ESYT2: variants seen among roughly 807,000 people sequenced by gnomAD.
ESYT2 encodes extended synaptotagmin 2, also known as extended synaptotagmin-2.
In ESYT2, 54 loss-of-function variants were observed where a neutral mutation model predicts 107.2. The observed-to-expected ratio is 0.50, with a 90% confidence interval of 0.40 to 0.63. The LOEUF (loss-of-function observed/expected upper bound fraction) is 0.63. ESYT2 is among the 30% of genes least tolerant of loss of function. The pLI, the probability that ESYT2 is intolerant of heterozygous loss-of-function variation, is 0.00. For synonymous variants in ESYT2, 491 were observed against 434.1 expected (o/e 1.13, Z -1.63); for missense variants, 1,020 against 1,094.5 (o/e 0.93, Z 0.96).
At chr7:158,803,808 GTT>G (rs1839718971) in intron 1 of ESYT2, among the ~76,000 whole-genome samples, 9 of 142,742 alleles carry the variant, frequency 6.3e-5, no homozygotes, top group African/African-American at 1.1e-4. Flanking sequence ...AACCCAAACC[GTT>G]GAGAAGGGTG....
intron 14 of ESYT2, among the ~76,000 whole-genome samples, chr7:158,750,183 C>T (rs1309234636): frequency 6.6e-6 from 1 of 152,010 alleles, no homozygotes; most frequent in Non-Finnish European, 1.5e-5. Context: ...CTCAACTTAG[C>T]GTCTTCTGTT....
chr7:158,801,478 C>T (rs951166418), intron 1 of ESYT2, among the ~76,000 whole-genome samples: 2 of 152,162 alleles, frequency 1.3e-5, no homozygotes, highest in Non-Finnish European at 2.9e-5. Flanking sequence ...ATCTGCTTCT[C>T]GCTAATACAT....
intron 20 of ESYT2, among the ~76,000 whole-genome samples, chr7:158,735,950 G>A (rs1470960439): frequency 6.6e-6 from 1 of 152,128 alleles, no homozygotes; most frequent in African/African-American, 2.4e-5. Flanking sequence ...AGCAATTCCA[G>A]AGCAGCCCAC....
chr7:158,807,151 T>C (rs2129473849), intron 1 of ESYT2, among the ~76,000 whole-genome samples: 1 of 149,398 alleles, frequency 6.7e-6, no homozygotes, highest in East Asian at 2.0e-4. Context: ...CTCAGGAGGC[T>C]GAGGCAGGAG....
intron 1 of ESYT2, among the ~76,000 whole-genome samples, chr7:158,822,985 T>C (rs1383738494): frequency 1.3e-5 from 2 of 151,900 alleles, no homozygotes; most frequent in African/African-American, 4.8e-5. Flanking sequence ...CTGACCACCT[T>C]TTCATCCATT....
At chr7:158,749,433 A>T (rs114183024) in intron 15 of ESYT2, among the ~76,000 whole-genome samples, 4 of 152,320 alleles carry the variant, frequency 2.6e-5, no homozygotes, top group Admixed American at 1.3e-4. Flanking sequence ...AAGTCATTTT[A>T]AAAAATGAAC....
chr7:158,759,358 T>C (rs1419742920), intron 13 of ESYT2, 128 bp downstream of exon 13: 2 of 685,264 alleles, frequency 2.9e-6, no homozygotes, highest in African/African-American at 3.6e-5. Flanking sequence ...TCTCCTGCAC[T>C]TGGACGTGAA....
intron 20 of ESYT2, among the ~76,000 whole-genome samples, chr7:158,736,347 C>A (rs1397238606): frequency 6.6e-6 from 1 of 152,180 alleles, no homozygotes; most frequent in African/African-American, 2.4e-5. Context: ...TAGCAGATAG[C>A]GACACCATAC....
At chr7:158,814,286 ATT>A (rs1563038404) in intron 1 of ESYT2, among the ~76,000 whole-genome samples, 4,275 of 110,798 alleles carry the variant, frequency 0.039, 302 homozygotes, top group Non-Finnish European at 0.055. Context: ...AAAAAAAAAA[ATT>A]ATATATATAT....
Position 158,743,696 on chromosome 7 carries a change from G to GA in ESYT2, c.1645-19dup, listed in dbSNP as rs538260821. The stretch of plus-strand genomic sequence containing the variant: ...TCTCTGACCTGCAAAACACAGGGTG[G>GA]AAACACTGGCATAACTAGGATCATG... On this transcript the variant is annotated intron_variant, in intron 16 of 22. Coordinates refer to ENST00000275418, the MANE Select transcript of ESYT2 (RefSeq NM_001367773.1). 7,502 of 1,602,596 alleles carry GA rather than the reference G, an allele frequency of 4.7e-3. 37 individuals are homozygous for GA. Among genetic ancestry groups the GA allele is most frequent in the Non-Finnish European group, 5.6e-3 (6,596 of 1,176,458 alleles).
Position 158,788,333 on chromosome 7 carries a change from CA to C in ESYT2, c.657+11del. ...AAACTGTCAAATTAAAACAAAAAAA[CA>C]AAAAACTTACCTGGATACTTTTCAC... On this transcript the variant is annotated intron_variant, in intron 5 of 22. Coordinates refer to ENST00000275418, the MANE Select transcript of ESYT2 (RefSeq NM_001367773.1). 6.3e-7 allele frequency: 1 copy of C among 1,593,410 alleles called. No individual in the cohort carries two copies. The highest frequency in any genetic ancestry group is 1.4e-5 in the African/African-American group (1 of 73,510).
intron 4 of ESYT2, among the ~76,000 whole-genome samples, chr7:158,792,766 T>G (rs975609231): frequency 5.0e-5 from 5 of 99,840 alleles, no homozygotes; most frequent in African/African-American, 9.4e-5. Flanking sequence ...AACGTGGGGT[T>G]TTTTTTTTTT....
intron 8 of ESYT2, among the ~76,000 whole-genome samples, chr7:158,766,539 T>C (rs891602547): frequency 6.6e-6 from 1 of 152,200 alleles, no homozygotes; most frequent in Non-Finnish European, 1.5e-5. Context: ...ATATAACCAA[T>C]TTGAGCACCA....
At chr7:158,765,170 C>T (rs1326758224) in intron 8 of ESYT2, among the ~76,000 whole-genome samples, 1 of 152,042 alleles carries the variant, frequency 6.6e-6, no homozygotes, top group African/African-American at 2.4e-5. Context: ...CCAGAGCGCG[C>T]TCCTGGCAGA....
chr7:158,792,774 T>G (rs34830120), intron 4 of ESYT2, among the ~76,000 whole-genome samples: 15,112 of 141,512 alleles, frequency 0.11, 984 homozygotes, highest in African/African-American at 0.19. Flanking sequence ...GTTTTTTTTT[T>G]TTTTTTTTTT....
intron 18 of ESYT2, 95 bp from the exon 19 acceptor site, chr7:158,739,216 AT>A: frequency 2.8e-6 from 3 of 1,077,138 alleles, no homozygotes; most frequent in Non-Finnish European, 4.0e-6. Flanking sequence ...ATTTCTATTC[AT>A]TTAGACAAAA....
intron 1 of ESYT2, among the ~76,000 whole-genome samples, chr7:158,827,946 G>A (rs1046427382): frequency 1.3e-5 from 2 of 152,122 alleles, no homozygotes; most frequent in Admixed American, 6.6e-5. Context: ...CCAACTCTTC[G>A]TGTCTATAGT....
At position 158,788,080 on chromosome 7, in the gene ESYT2, A is replaced by C. The variant is rs1294298265; in HGVS notation, c.671T>G (p.Met224Arg). The C allele has an allele frequency of 1.2e-6, 2 of 1,613,930 alleles. No individual in the cohort carries two copies. Among genetic ancestry groups the C allele is most frequent in the Non-Finnish European group, 1.7e-6 (2 of 1,179,896 alleles). ...GVKSIQIHGT[M>R]RVILEPLIGD... ...AATCAACGGTTCCAGGATCACCCGC[A>C]TGGTACCATGAATCTAAACTCAAAC... Residue 224 changes from methionine (M) to arginine (R), a missense_variant, in exon 6 of 23, where the codon ATG becomes AGG. Coordinates refer to ENST00000275418, the MANE Select transcript of ESYT2 (RefSeq NM_001367773.1).
chr7:158,795,579 TGCGGCCACGTACAGACAGAGCATGCAGC>T (rs1339572930), intron 3 of ESYT2, among the ~76,000 whole-genome samples: 19,407 of 152,176 alleles, frequency 0.13, 1,396 homozygotes, highest in African/African-American at 0.2. Context: ...ATGCAGCCCC[TGCGGCCACGTACAGACAGAGCATGCAGC>T]CCCTGCGGCC....
Sources: gnomAD v4.1 joint callset for allele counts (sites outside exome capture counted in the v4.1 genomes callset) on GRCh38, gnomAD v4.1.1 for gene constraint, MANE v1.5 for transcripts, NCBI Gene and HGNC (gene_info 2026-07-23, HGNC 2026-07-21) for gene names.